EXOC4: variants seen among roughly 807,000 people sequenced by gnomAD.
The protein encoded by EXOC4 is exocyst complex component 4.
Under a neutral mutation model 107.2 loss-of-function variants are expected in EXOC4, and 71 were observed. That is an observed-to-expected ratio of 0.66 (90% CI 0.55 to 0.81). The LOEUF (loss-of-function observed/expected upper bound fraction) is 0.81, where lower values mean the gene tolerates loss of function less well. Among genes scored for constraint, EXOC4 ranks in the 30% least tolerant of loss-of-function variants. The probability of loss-of-function intolerance (pLI) is 0.00; values close to 1 mark genes in which losing one functional copy is unlikely to be tolerated. For missense variants in EXOC4, 1,108 were observed against 1,189.6 expected, an observed-to-expected ratio of 0.93 and a Z score of 1.01; for synonymous variants, 456 against 441.2, an observed-to-expected ratio of 1.03 and a Z score of -0.42.
chr7:133,287,780 C>T (rs749483574), intron 2 of EXOC4, among the ~76,000 whole-genome samples: 4 of 152,122 alleles, frequency 2.6e-5, no homozygotes, highest in Admixed American at 6.5e-5. Flanking sequence ...TCATATTTTC[C>T]GTACTTGTTG....
intron 7 of EXOC4, among the ~76,000 whole-genome samples, chr7:133,418,951 C>T (rs1323791273): frequency 6.6e-6 from 1 of 152,036 alleles, no homozygotes; most frequent in Non-Finnish European, 1.5e-5. Context: ...GTAAGGATGA[C>T]AGATAATTTC....
At chr7:133,796,110 C>T (rs1229461783) in intron 10 of EXOC4, among the ~76,000 whole-genome samples, 1 of 152,060 alleles carries the variant, frequency 6.6e-6, no homozygotes, top group African/African-American at 2.4e-5. Flanking sequence ...TCTTAATTTC[C>T]TATAGACATT....
At chr7:133,937,612 C>T (rs1338934260) in intron 13 of EXOC4, among the ~76,000 whole-genome samples, 1 of 152,166 alleles carries the variant, frequency 6.6e-6, no homozygotes, top group Non-Finnish European at 1.5e-5. Flanking sequence ...AGACGCCATC[C>T]CCAGGAACCG....
intron 11 of EXOC4, among the ~76,000 whole-genome samples, chr7:133,832,763 A>G (rs1398410716): frequency 6.6e-6 from 1 of 152,200 alleles, no homozygotes; most frequent in Non-Finnish European, 1.5e-5. Context: ...TGTTATAAAC[A>G]CTTATGTTTA....
chr7:134,091,881 A>C, the EXOC4 span, among the ~76,000 whole-genome samples: 2 of 152,176 alleles, frequency 1.3e-5, no homozygotes, highest in Non-Finnish European at 2.9e-5. Context: ...AAAGACTTTA[A>C]CTAAAATCCC....
intron 2 of EXOC4, among the ~76,000 whole-genome samples, chr7:133,283,266 G>T (rs1389258157): frequency 6.6e-6 from 1 of 152,100 alleles, no homozygotes; most frequent in East Asian, 1.9e-4. Context: ...GTGGAGATGG[G>T]TTTTCACCAG....
At chr7:133,824,870 A>G (rs1797662419) in intron 11 of EXOC4, among the ~76,000 whole-genome samples, 1 of 152,162 alleles carries the variant, frequency 6.6e-6, no homozygotes, top group South Asian at 2.1e-4. Flanking sequence ...TTAATCCAGG[A>G]CGATCTCATC....
intron 10 of EXOC4, among the ~76,000 whole-genome samples, chr7:133,719,488 G>A (rs1795063679): frequency 6.6e-6 from 1 of 151,694 alleles, no homozygotes; most frequent in African/African-American, 2.4e-5. Flanking sequence ...AGGAAGCCAT[G>A]GATTTGAGTT....
chr7:133,315,530 A>G (rs1453011214), intron 4 of EXOC4: 1 of 152,204 alleles, frequency 6.6e-6, no homozygotes, highest in African/African-American at 2.4e-5. Flanking sequence ...GTGAAAGAGG[A>G]TGACGTCATT....
At chr7:133,771,496 C>T (rs1216787753) in intron 10 of EXOC4, 1 of 151,936 alleles carries the variant, frequency 6.6e-6, no homozygotes, top group Non-Finnish European at 1.5e-5. Context: ...GTAGATAGCT[C>T]TCTAATAACC....
chr7:133,533,419 G>A (rs2150923676), intron 9 of EXOC4, among the ~76,000 whole-genome samples: 1 of 152,268 alleles, frequency 6.6e-6, no homozygotes, highest in Non-Finnish European at 1.5e-5. Context: ...CTCTTTTCAA[G>A]TGACTCATCG....
downstream of EXOC4, among the ~76,000 whole-genome samples, chr7:134,068,488 C>T (rs1796216342): frequency 6.7e-6 from 1 of 150,218 alleles, no homozygotes; most frequent in East Asian, 2.0e-4. Context: ...TGTGAGGCCT[C>T]CCCAGCCATG....
intron 11 of EXOC4, among the ~76,000 whole-genome samples, chr7:133,832,865 A>T (rs1797839682): frequency 6.6e-6 from 1 of 152,178 alleles, no homozygotes; most frequent in Non-Finnish European, 1.5e-5. Context: ...GTAGGGGCAG[A>T]TTTACAAGTA....
At chr7:133,363,518 T>C (rs2150670107) in intron 6 of EXOC4, among the ~76,000 whole-genome samples, 1 of 151,326 alleles carries the variant, frequency 6.6e-6, no homozygotes, top group East Asian at 1.9e-4. Flanking sequence ...CCTTTGGTTA[T>C]AGTCATTAGA....
At chr7:133,346,098 A>T (rs1359631373) in intron 5 of EXOC4, among the ~76,000 whole-genome samples, 2 of 152,180 alleles carry the variant, frequency 1.3e-5, no homozygotes, top group Non-Finnish European at 2.9e-5. Flanking sequence ...ACGGTGAAGG[A>T]AATGCTATTT....
chr7:133,768,693 G>T (rs1413363241), intron 10 of EXOC4, among the ~76,000 whole-genome samples: 1 of 151,874 alleles, frequency 6.6e-6, no homozygotes, highest in Non-Finnish European at 1.5e-5. Flanking sequence ...AAAATTTGTT[G>T]CTGAATTTAG....
At chr7:133,899,565 T>C (rs1585233911) in intron 12 of EXOC4, among the ~76,000 whole-genome samples, 2 of 152,172 alleles carry the variant, frequency 1.3e-5, no homozygotes, top group East Asian at 3.9e-4. Flanking sequence ...TTGAAATATA[T>C]GAAGATAGCT....
At chr7:133,267,371 C>T (rs564207296) in intron 1 of EXOC4, among the ~76,000 whole-genome samples, 73 of 152,342 alleles carry the variant, frequency 4.8e-4, no homozygotes, top group Middle Eastern at 3.4e-3. Context: ...GCCACATTGA[C>T]CTCCTTGCCA....
chr7:134,035,201 A>G (rs974601883), intron 17 of EXOC4, among the ~76,000 whole-genome samples: 25 of 151,732 alleles, frequency 1.6e-4, no homozygotes, highest in African/African-American at 5.8e-4. Flanking sequence ...ATGCGCCACC[A>G]TGCCTGGCTA....
Sources: allele counts gnomAD v4.1 joint callset (sites outside exome capture counted in the v4.1 genomes callset), GRCh38; gene constraint gnomAD v4.1.1; transcripts MANE v1.5; gene names NCBI Gene and HGNC (gene_info 2026-07-23, HGNC 2026-07-21).